VPS13B: variants seen among roughly 807,000 people sequenced by gnomAD.
VPS13B encodes the protein vacuolar protein sorting 13 homolog B.
Under a neutral mutation model 426.4 loss-of-function variants are expected in VPS13B, and 285 were observed. The observed-to-expected ratio is 0.67, with a 90% CI of 0.61 to 0.74. The LOEUF (loss-of-function observed/expected upper bound fraction) is 0.74. Ranked by LOEUF, VPS13B falls within the 30% of genes least tolerant of loss-of-function variation. VPS13B has a pLI of 0.00. For synonymous variants in VPS13B, 1,676 were observed against 1,676.4 expected (o/e 1.00, Z 0.01); for missense variants, 4,537 against 4,782.6 (o/e 0.95, Z 1.51).
At chr8:99,745,741 A>T (rs906026339) in intron 39 of VPS13B, among the ~76,000 whole-genome samples, 12 of 152,160 alleles carry the variant, frequency 7.9e-5, no homozygotes, top group African/African-American at 2.9e-4. Flanking sequence ...ACCCATCTTT[A>T]GTAATTATCA....
intron 24 of VPS13B, among the ~76,000 whole-genome samples, chr8:99,471,838 A>G (rs1470555258): frequency 6.6e-6 from 1 of 152,112 alleles, no homozygotes; most frequent in African/African-American, 2.4e-5. Context: ...TAGAGTATTT[A>G]CTCTCTGGCC....
chr8:99,161,006 T>A (rs961500323), intron 15 of VPS13B, among the ~76,000 whole-genome samples: 1 of 152,180 alleles, frequency 6.6e-6, no homozygotes, highest in Admixed American at 6.5e-5. Flanking sequence ...CACAGGGAAG[T>A]GTGACTCATT....
At chr8:99,275,331 A>AT in intron 19 of VPS13B, 77 bp downstream of exon 19, 1 of 1,292,498 alleles carries the variant, frequency 7.7e-7, no homozygotes, top group Non-Finnish European at 1.0e-6. Context: ...TAAAATTGGT[A>AT]TATATTTTTT....
intron 27 of VPS13B, among the ~76,000 whole-genome samples, chr8:99,504,927 C>T (rs1352291937): frequency 6.6e-6 from 1 of 152,178 alleles, no homozygotes; most frequent in Non-Finnish European, 1.5e-5. Context: ...AGTGTAGCCA[C>T]CTTCATCAGT....
intron 17 of VPS13B, among the ~76,000 whole-genome samples, chr8:99,211,189 C>T (rs1815072048): frequency 6.6e-6 from 1 of 152,136 alleles, no homozygotes; most frequent in African/African-American, 2.4e-5. Flanking sequence ...CAAAAGGCAT[C>T]TTTGTTTTCT....
chr8:99,238,431 G>A (rs944421665), intron 17 of VPS13B, among the ~76,000 whole-genome samples: 14 of 152,290 alleles, frequency 9.2e-5, no homozygotes, highest in African/African-American at 3.1e-4. Flanking sequence ...TAATGGCCAT[G>A]GGGCAAGCTT....
intron 17 of VPS13B, among the ~76,000 whole-genome samples, chr8:99,231,764 C>G (rs1020439171): frequency 2.6e-5 from 4 of 152,116 alleles, no homozygotes; most frequent in African/African-American, 9.7e-5. Flanking sequence ...GTGTGTTTTT[C>G]TCATTTATAA....
chr8:99,218,494 T>G (rs967259402), intron 17 of VPS13B, among the ~76,000 whole-genome samples: 5 of 152,162 alleles, frequency 3.3e-5, no homozygotes, highest in African/African-American at 1.2e-4. Context: ...TTCAGTTGAT[T>G]TATAAGGATG....
intron 33 of VPS13B, among the ~76,000 whole-genome samples, chr8:99,614,274 T>A (rs75976055): frequency 6.7e-6 from 1 of 148,376 alleles, no homozygotes; most frequent in African/African-American, 2.5e-5. Context: ...CACACACACA[T>A]ATATATATAT....
Position 99,875,552 on chromosome 8 carries a change from T to TC in VPS13B, c.11886dup (p.Ser3963LeufsTer4), listed in dbSNP as rs1817660485. The TC allele has an allele frequency of 1.2e-6, 2 of 1,613,996 alleles. No individual in the cohort carries two copies. Among genetic ancestry groups the TC allele is most frequent in the Non-Finnish European group, 1.7e-6 (2 of 1,179,996 alleles). On this transcript the variant is annotated frameshift_variant, in exon 62 of 62. Transcript: ENST00000357162. LOFTEE classifies it high-confidence loss of function. Reference sequence around the variant, plus strand: ...CATGCCCTGTGGTGGCTGCAGAACCTCCCCCCTCCACTGTTAAAACATACC... The same window carrying TC: ...CATGCCCTGTGGTGGCTGCAGAACCTCCCCCCCTCCACTGTTAAAACATACC...
chr8:99,142,991 G>C lies in VPS13B; in HGVS notation c.1669G>C (p.Asp557His). Residue 557 changes from aspartate (D) to histidine (H), a missense_variant, in exon 13 of 62, where the codon GAC becomes CAC. Transcript: ENST00000357162. ...TCTTTTAGGTTCCACAAATCAACAA[G>C]ACTTTTCTTCAGGGAAAAGTGAAGA... ...TSGKGSTNQQDFSSGKSEDLG... is the reference protein window; with the variant it reads ...TSGKGSTNQQHFSSGKSEDLG... The C allele has an allele frequency of 1.9e-6, 3 of 1,613,464 alleles. No individual in the cohort carries two copies. The highest frequency in any genetic ancestry group is 2.5e-6 in the Non-Finnish European group (3 of 1,179,782).
intron 16 of VPS13B, 126 bp downstream of exon 16, chr8:99,170,289 C>G: frequency 1.6e-6 from 2 of 1,233,528 alleles, no homozygotes; most frequent in Non-Finnish European, 2.3e-6. Flanking sequence ...AAAATCTAAA[C>G]TTGTACTTTT....
chr8:99,315,340 T>C lies in VPS13B; in HGVS notation c.2824+40086T>C, dbSNP rs867567914. Among the ~76,000 whole-genome samples, 1,350 of 147,980 alleles carry C rather than the reference T, an allele frequency of 9.1e-3. 16 individuals carry two copies. Among genetic ancestry groups the C allele is most frequent in the South Asian group, 0.068 (321 of 4,720 alleles). On this transcript the variant is annotated intron_variant, in intron 19 of 61. Coordinates refer to ENST00000357162, the MANE Select transcript of VPS13B (RefSeq NM_152564.5). Reference sequence around the variant, plus strand: ...AATTGTTTTAAATTCTCTCTCTCTTTTTTTTTTTTTAACTAACTGGGTTAT... The same window carrying C: ...AATTGTTTTAAATTCTCTCTCTCTTCTTTTTTTTTTAACTAACTGGGTTAT...
At chr8:99,840,745 T>G (rs930398914) in intron 54 of VPS13B, among the ~76,000 whole-genome samples, 10 of 152,180 alleles carry the variant, frequency 6.6e-5, no homozygotes, top group African/African-American at 2.4e-4. Context: ...ATCTGTCCAT[T>G]TGGTGCAGAT....
At chr8:99,605,407 G>GT (rs1336216571) in intron 33 of VPS13B, among the ~76,000 whole-genome samples, 7 of 151,776 alleles carry the variant, frequency 4.6e-5, no homozygotes, top group Non-Finnish European at 7.4e-5. Context: ...GAGCCATTTG[G>GT]TAAAAAAAAA....
At chr8:99,765,617 A>G (rs938625464) in intron 39 of VPS13B, among the ~76,000 whole-genome samples, 4 of 152,224 alleles carry the variant, frequency 2.6e-5, no homozygotes, top group African/African-American at 9.6e-5. Flanking sequence ...AAGTCCCACA[A>G]GCGTGATGCA....
chr8:99,754,079 A>G (rs1810522168), intron 39 of VPS13B, among the ~76,000 whole-genome samples: 1 of 145,638 alleles, frequency 6.9e-6, no homozygotes, highest in South Asian at 2.3e-4. Flanking sequence ...TTCCAATAGT[A>G]TAAGGGTTTT....
intron 19 of VPS13B, among the ~76,000 whole-genome samples, chr8:99,334,741 G>T (rs1312846470): frequency 1.3e-5 from 2 of 152,114 alleles, no homozygotes; most frequent in Non-Finnish European, 2.9e-5. Context: ...TTTTTGATGT[G>T]CTGCTGGATT....
chr8:99,642,565 C>T, intron 34 of VPS13B, 67 bp downstream of exon 34: 1 of 1,402,016 alleles, frequency 7.1e-7, no homozygotes. Flanking sequence ...CCCATAGTTT[C>T]CAGATTGATT....
Sources: gnomAD v4.1 joint callset for allele counts (sites outside exome capture counted in the v4.1 genomes callset) on GRCh38, gnomAD v4.1.1 for gene constraint, MANE v1.5 for transcripts, NCBI Gene and HGNC (gene_info 2026-07-23, HGNC 2026-07-21) for gene names.